Variants in TMEM229B observed in about 807,000 individuals in gnomAD.
The protein encoded by TMEM229B is transmembrane protein 229B, also known as chromosome 14 open reading frame 83.
A neutral mutation model predicts 13.7 loss-of-function variants in TMEM229B; 6 were observed. The observed-to-expected ratio is 0.44, with a 90% CI of 0.24 to 0.86. TMEM229B has a LOEUF of 0.86. Ranked by LOEUF, TMEM229B falls within the 40% of genes least tolerant of loss-of-function variation. The probability of loss-of-function intolerance (pLI) is 0.23; values close to 1 mark genes in which losing one functional copy is unlikely to be tolerated. For synonymous variants in TMEM229B, 107 were observed against 102.1 expected (o/e 1.05, Z -0.29); for missense variants, 170 against 236.0 (o/e 0.72, Z 1.83).
intron 1 of TMEM229B, among the ~76,000 whole-genome samples, chr14:67,532,259 C>T (rs2033484290): frequency 6.6e-6 from 1 of 152,092 alleles, no homozygotes; most frequent in Non-Finnish European, 1.5e-5. Context: ...CTTCATGGTG[C>T]CTGGGATGAG....
chr14:67,507,463 G>A (rs2032868470), intron 1 of TMEM229B, among the ~76,000 whole-genome samples: 1 of 152,094 alleles, frequency 6.6e-6, no homozygotes, highest in Non-Finnish European at 1.5e-5. Flanking sequence ...AGCAGACCCT[G>A]GAGTCCCCAG....
chr14:67,483,546 T>A (rs1197014095), intron 2 of TMEM229B, among the ~76,000 whole-genome samples: 1 of 152,200 alleles, frequency 6.6e-6, no homozygotes, highest in Non-Finnish European at 1.5e-5. Flanking sequence ...ATTAACAAAC[T>A]TCCCAACTGG....
At chr14:67,510,314 AAGTG>A (rs1229389296) in intron 1 of TMEM229B, among the ~76,000 whole-genome samples, 1 of 152,220 alleles carries the variant, frequency 6.6e-6, no homozygotes, top group African/African-American at 2.4e-5. Context: ...AAGGTCACAC[AAGTG>A]AGTGAGTCAG....
intron 1 of TMEM229B, among the ~76,000 whole-genome samples, chr14:67,508,768 A>AAAAAAAAAAAAAAAAAAAAAAAG (rs2032926543): frequency 6.6e-6 from 1 of 150,950 alleles, no homozygotes; most frequent in Non-Finnish European, 1.5e-5. Context: ...AAAAAAAAAA[A>AAAAAAAAAAAAAAAAAAAAAAAG]AAACAGAAGA....
At chr14:67,494,506 G>C (rs2032289471) in intron 1 of TMEM229B, among the ~76,000 whole-genome samples, 1 of 152,208 alleles carries the variant, frequency 6.6e-6, no homozygotes, top group African/African-American at 2.4e-5. Context: ...AGCAAATCCA[G>C]GCACAGGAAG....
At chr14:67,517,878 C>T (rs556620143), upstream of TMEM229B, among the ~76,000 whole-genome samples, 25 of 152,286 alleles carry the variant, frequency 1.6e-4, no homozygotes, top group African/African-American at 5.8e-4. Context: ...TTCTGGTACC[C>T]CTTGCAAGCT....
At chr14:67,532,735 C>G (rs537327239) in intron 1 of TMEM229B, among the ~76,000 whole-genome samples, 2 of 152,168 alleles carry the variant, frequency 1.3e-5, no homozygotes, top group Non-Finnish European at 2.9e-5. Flanking sequence ...TTTTCTTTTT[C>G]TCCTGCAAAT....
chr14:67,482,726 C>T lies in TMEM229B; in HGVS notation c.-19+4274G>A, dbSNP rs576075813. ...CAAGTTAGCAGGGAGGAAAATAGGG[C>T]TTGCCCAGGGCCAGAAGGGAAGCAA... On this transcript the variant is annotated intron_variant, in intron 2 of 2. Coordinates refer to ENST00000554480, the MANE Select transcript of TMEM229B (RefSeq NM_001348543.2). Among the ~76,000 whole-genome samples the T allele has an allele frequency of 1.1e-4, 17 of 152,316 alleles. No individual in the cohort carries two copies. In the South Asian group the frequency reaches 3.5e-3, roughly 32 times the overall value.
intron 1 of TMEM229B, among the ~76,000 whole-genome samples, chr14:67,505,673 G>C (rs2032798223): frequency 6.6e-6 from 1 of 151,994 alleles, no homozygotes; most frequent in Non-Finnish European, 1.5e-5. Context: ...CAGGGGCTGA[G>C]GAAGGAGCAA....
upstream of TMEM229B, among the ~76,000 whole-genome samples, chr14:67,519,438 CT>C (rs2033256381): frequency 3.3e-5 from 5 of 152,338 alleles, no homozygotes; most frequent in South Asian, 1.0e-3. Flanking sequence ...AGACGCCAAT[CT>C]TTTCATCACT....
At chr14:67,531,317 G>A (rs112631872) in intron 1 of TMEM229B, among the ~76,000 whole-genome samples, 1 of 152,052 alleles carries the variant, frequency 6.6e-6, no homozygotes, top group African/African-American at 2.4e-5. Context: ...GTTGTAACTT[G>A]CCCAAGTCAC....
At chr14:67,500,641 G>A (rs568167321) in intron 1 of TMEM229B, among the ~76,000 whole-genome samples, 2 of 147,330 alleles carry the variant, frequency 1.4e-5, no homozygotes, top group African/African-American at 5.0e-5. Flanking sequence ...GCGCGATCTC[G>A]GCTCACTGCA....
intron 2 of TMEM229B, among the ~76,000 whole-genome samples, chr14:67,482,817 G>A (rs541385628): frequency 6.6e-6 from 1 of 152,240 alleles, no homozygotes; most frequent in Non-Finnish European, 1.5e-5. Flanking sequence ...TCTTGCTGTG[G>A]GTGCCCCCCA....
At chr14:67,497,147 G>C (rs1282022738) in intron 1 of TMEM229B, among the ~76,000 whole-genome samples, 1 of 152,122 alleles carries the variant, frequency 6.6e-6, no homozygotes, top group Non-Finnish European at 1.5e-5. Context: ...ATGGTAAGGA[G>C]AAATCACAGC....
upstream of TMEM229B, among the ~76,000 whole-genome samples, chr14:67,519,191 T>C (rs1045285857): frequency 3.9e-5 from 6 of 151,942 alleles, no homozygotes; most frequent in Non-Finnish European, 8.8e-5. Context: ...GGCTAAGGAG[T>C]GTAAACTCAG....
At chr14:67,478,130 C>T (rs887256235) in intron 2 of TMEM229B, among the ~76,000 whole-genome samples, 11 of 152,374 alleles carry the variant, frequency 7.2e-5, no homozygotes, top group East Asian at 1.9e-4. Context: ...GGTTGGCAGA[C>T]GGCTGGGGCA....
chr14:67,483,101 C>T (rs1231460134), intron 2 of TMEM229B, among the ~76,000 whole-genome samples: 2 of 152,190 alleles, frequency 1.3e-5, no homozygotes, highest in Middle Eastern at 6.8e-3. Flanking sequence ...ACCTCTGTCG[C>T]CCGGGTTCAA....
At chr14:67,507,634 T>G (rs2032875452) in intron 1 of TMEM229B, among the ~76,000 whole-genome samples, 1 of 152,052 alleles carries the variant, frequency 6.6e-6, no homozygotes, top group Non-Finnish European at 1.5e-5. Context: ...AAAGACAAGG[T>G]CTCACTGTGT....
At chr14:67,507,391 C>G (rs2032865488) in intron 1 of TMEM229B, among the ~76,000 whole-genome samples, 2 of 152,022 alleles carry the variant, frequency 1.3e-5, no homozygotes, top group South Asian at 4.2e-4. Flanking sequence ...CAACCAGAGA[C>G]CTCAAGTTCT....
Sources: allele counts gnomAD v4.1 joint callset (sites outside exome capture counted in the v4.1 genomes callset), GRCh38; gene constraint gnomAD v4.1.1; transcripts MANE v1.5; gene names NCBI Gene and HGNC (gene_info 2026-07-23, HGNC 2026-07-21).